The following FCN3 variants were observed in gnomAD, a reference collection of about 807,000 sequenced individuals.
FCN3 encodes ficolin 3, also known as ficolin-3.
In FCN3, 28 loss-of-function variants were observed where a neutral mutation model predicts 31.5. That is an observed-to-expected ratio of 0.89 (90% CI 0.66 to 1.22). The LOEUF (loss-of-function observed/expected upper bound fraction) is 1.22, where lower values mean the gene tolerates loss of function less well. Ranked by LOEUF, FCN3 falls within the 50% of genes most tolerant of loss-of-function variation. The pLI is 0.00. For missense variants in FCN3, 351 were observed against 386.8 expected, an observed-to-expected ratio of 0.91 and a Z score of 0.78; for synonymous variants, 124 against 147.4, an observed-to-expected ratio of 0.84 and a Z score of 1.15.
intron 6 of FCN3, 34 bp downstream of exon 6, chr1:27,370,809 A>G (rs1451141784): frequency 1.2e-6 from 2 of 1,611,296 alleles, no homozygotes; most frequent in Admixed American, 1.7e-5. Context: ...GCAGACAGTA[A>G]CCCCCAGACT....
intron 5 of FCN3, among the ~76,000 whole-genome samples, 196 bp downstream of exon 5, chr1:27,372,940 A>C (rs1429243565): frequency 6.6e-6 from 1 of 151,868 alleles, no homozygotes; most frequent in African/African-American, 2.4e-5. Flanking sequence ...ACTGCACTCA[A>C]CTTAAGGTCT....
In FCN3 at chr1:27,374,011, T is replaced by C. The variant is rs2016201478; in HGVS notation, c.188-2A>G. 6.2e-7 allele frequency: 1 copy of C among 1,613,308 alleles called. No homozygotes were observed. Among genetic ancestry groups the C allele is most frequent in the Admixed American group, 1.7e-5 (1 of 59,978 alleles). On this transcript the variant is annotated splice_acceptor_variant, in intron 2 of 7. Transcript: ENST00000270879. LOFTEE classifies it high-confidence loss of function. The stretch of plus-strand genomic sequence containing the variant: ...TCTTGCCTGGTGGTCCAGGTGGCCC[T>C]GAAATCACAAAGGCAGAGATTTCCT...
rs544521222 is a variant in FCN3, at chr1:27,369,340, G to A, written c.796C>T (p.Arg266Cys). 14 of 1,614,230 alleles carry A rather than the reference G, an allele frequency of 8.7e-6. No individual in the cohort carries two copies. Among genetic ancestry groups the A allele is most frequent in the African/African-American group, 6.7e-5 (5 of 75,066 alleles). ...GCGGCAGCCTCAGACACTGCATAGC[G>A]ACCATTGAGATTTGATCGGTAACAG... ...ASCYRSNLNG[R>C]YAVSEAAAHK... Residue 266 changes from arginine to cysteine, a missense_variant, in exon 8 of 8, where the codon CGC becomes TGC. Transcript: ENST00000270879.
At chr1:27,374,635 A>AC in intron 1 of FCN3, 93 bp downstream of exon 1, 1 of 824,338 alleles carries the variant, frequency 1.2e-6, no homozygotes, top group Non-Finnish European at 1.9e-6. Context: ...TGAAACTCCC[A>AC]CCCTGCTCCT....
At chr1:27,370,542 C>T (rs780104177) in intron 7 of FCN3, 54 bp downstream of exon 7, 39 of 1,504,822 alleles carry the variant, frequency 2.6e-5, no homozygotes, top group Non-Finnish European at 1.9e-5. Flanking sequence ...GGGGCAGTGG[C>T]AGCACTGGGA....
At position 27,374,624 on chromosome 1, in the gene FCN3, A is replaced by G; in HGVS notation, c.91+104T>C. 3.8e-6 allele frequency: 3 copies of G among 789,852 alleles called. No individual in the cohort carries two copies. In the South Asian group the frequency reaches 5.8e-5, roughly 15 times the overall value. 48.9% of individuals were successfully genotyped at this position (789,852 alleles called of 1,614,324 possible). ...TATATTTACATGCAGAGCCCAGATT[A>G]TGAAACTCCCACCCTGCTCCTTGAG... On this transcript the variant is annotated intron_variant, in intron 1 of 7. Coordinates refer to ENST00000270879, the MANE Select transcript of FCN3 (RefSeq NM_003665.4).
chr1:27,369,385 C>T lies in FCN3; in HGVS notation c.751G>A (p.Gly251Ser), dbSNP rs1018094906. The change falls in exon 8 of 8, where the codon GGT (glycine) becomes AGT (serine). Residue 251 changes from glycine to serine, a missense_variant. By Grantham distance (56) the Gly-to-Ser change is moderately conservative. Transcript: ENST00000270879. ...SNSNCAVIVH[G>S]AWWYASCYRS... is the part of the protein sequence containing the mutation. ...TAACAGGATGCATACCACCAGGCAC[C>T]GTGGACAATCACTGCACAGTTGCTG... 4.3e-6 allele frequency: 7 copies of T among 1,614,076 alleles called. No individual in the cohort carries two copies. Among genetic ancestry groups the T allele is most frequent in the African/African-American group, 2.7e-5 (2 of 74,918 alleles).
At chr1:27,369,506 G>C in intron 7 of FCN3, 29 bp from the exon 8 acceptor site, 1 of 1,609,244 alleles carries the variant, frequency 6.2e-7, no homozygotes, top group Non-Finnish European at 8.5e-7. Context: ...AAAGCACCTT[G>C]GTGCCCAGCA....
chr1:27,369,329 C>T lies in FCN3; in HGVS notation c.807G>A (p.Val269=), dbSNP rs575296520. ...YRSNLNGRYA[V]SEAAAHKYGI... is the part of the protein sequence containing the mutation. ...CATATTTGTGGGCGGCAGCCTCAGA[C>T]ACTGCATAGCGACCATTGAGATTTG... The change falls in exon 8 of 8, where the codon GTG becomes GTA. Residue 269 remains valine (V), a synonymous_variant. Coordinates refer to ENST00000270879, the MANE Select transcript of FCN3 (RefSeq NM_003665.4). The T allele has an allele frequency of 1.2e-5, 19 of 1,614,280 alleles. No homozygotes were observed. The South Asian group carries it at 2.1e-4, about 18-fold the overall frequency.
chr1:27,370,908 C>T lies in FCN3; in HGVS notation c.458G>A (p.Gly153Asp), dbSNP rs1204434758. ...FFRSWSSYRA[G>D]FGNQESEFWL... ...GAATTCAGACTCTTGGTTCCCAAAA[C>T]CTGCTCTGTAGGAGGACCAAGAGCG... The change falls in exon 6 of 8, where the codon GGT (glycine) becomes GAT (aspartate). Residue 153 changes from glycine to aspartate, a missense_variant. By Grantham distance (94) the Gly-to-Asp change is moderately conservative. Transcript: ENST00000270879. 7 of 1,613,938 alleles carry T rather than the reference C, an allele frequency of 4.3e-6. No individual in the cohort carries two copies. The highest frequency in any genetic ancestry group is 5.9e-6 in the Non-Finnish European group (7 of 1,180,024).
At chr1:27,372,798 A>ATT in intron 5 of FCN3, among the ~76,000 whole-genome samples, 1 of 38,418 alleles carries the variant, frequency 2.6e-5, no homozygotes. Context: ...TTTTTTTGAG[A>ATT]CAGAGTTTCA....
intron 7 of FCN3, 25 bp from the exon 8 acceptor site, chr1:27,369,502 C>T (rs752933842): frequency 1.1e-5 from 17 of 1,609,944 alleles, no homozygotes; most frequent in Admixed American, 1.7e-5. Flanking sequence ...ATGGAAAGCA[C>T]CTTGGTGCCC....
chr1:27,373,100 G>A (rs2016179891), intron 5 of FCN3, 36 bp downstream of exon 5: 1 of 1,606,870 alleles, frequency 6.2e-7, no homozygotes, highest in East Asian at 2.2e-5. Flanking sequence ...AGTGACCAGT[G>A]GGCCTGGCCT....
Position 27,370,960 on chromosome 1 carries a change from G to C in FCN3, c.406C>G (p.Arg136Gly), listed in dbSNP as rs142828984. 1.2e-6 allele frequency: 2 copies of C among 1,612,332 alleles called. No homozygotes were observed. ...EGGGWLVFQR[R>G]QDGSVDFFRS... ...AAGAAATCCACAGAACCATCCTGGC[G>C]CCTCTGAAACACCTGGGGGAGGGGG... Residue 136 changes from arginine to glycine, a missense_variant, in exon 6 of 8, where the codon CGC (arginine) becomes GGC (glycine). Coordinates refer to ENST00000270879, the MANE Select transcript of FCN3 (RefSeq NM_003665.4).
chr1:27,372,673 C>T (rs542021843), intron 5 of FCN3, among the ~76,000 whole-genome samples: 124 of 152,140 alleles, frequency 8.2e-4, no homozygotes, highest in Non-Finnish European at 1.4e-3. Flanking sequence ...CCGACACCCA[C>T]GCCTGCTCTC....
At chr1:27,373,373 C>A in intron 4 of FCN3, 110 bp from the exon 5 acceptor site, 1 of 1,592,016 alleles carries the variant, frequency 6.3e-7, no homozygotes, top group Admixed American at 1.7e-5. Flanking sequence ...TCCTTCAGGT[C>A]CCTGAAGAAG....
chr1:27,371,909 G>A (rs1051386677), intron 5 of FCN3, among the ~76,000 whole-genome samples: 5 of 151,940 alleles, frequency 3.3e-5, no homozygotes, highest in African/African-American at 1.2e-4. Context: ...ACAGGCACCT[G>A]CCACCACGCC....
In FCN3 at chr1:27,373,531, G is replaced by A. The variant is rs557316808; in HGVS notation, c.233-11C>T. Reference sequence around the variant, plus strand: ...GGTTCACTGGATCTCCTGCCCCAGAGAAGGGATGAGTGTTGGCTCTGATGT... The same window carrying A: ...GGTTCACTGGATCTCCTGCCCCAGAAAAGGGATGAGTGTTGGCTCTGATGT... On this transcript the variant is annotated splice_polypyrimidine_tract_variant and intron_variant, in intron 3 of 7. Coordinates refer to ENST00000270879, the MANE Select transcript of FCN3 (RefSeq NM_003665.4). 1 of 1,614,020 alleles carries A rather than the reference G, an allele frequency of 6.2e-7. No homozygotes were observed. Among genetic ancestry groups the A allele is most frequent in the East Asian group, 2.2e-5 (1 of 44,868 alleles).
At position 27,373,974 on chromosome 1, in the gene FCN3, C is replaced by G. The variant is rs750122426; in HGVS notation, c.223G>C (p.Gly75Arg). 7.4e-6 allele frequency: 12 copies of G among 1,613,732 alleles called. No homozygotes were observed. Among genetic ancestry groups the G allele is most frequent in the Non-Finnish European group, 1.0e-5 (12 of 1,179,936 alleles). ...AGCCCCACTTACTCACCTGGCTCAC[C>G]CTTGGGGCCCATCTTGCCTGGTGGT... is the stretch of plus-strand genomic sequence containing the variant. ...PGPPGKMGPK[G>R]EPGDPVNLLR... The change falls in exon 3 of 8, where the codon GGT becomes CGT. Residue 75 changes from glycine (G) to arginine (R), a missense_variant. Transcript: ENST00000270879.
Sources: gnomAD v4.1 joint callset for allele counts (sites outside exome capture counted in the v4.1 genomes callset) on GRCh38, gnomAD v4.1.1 for gene constraint, MANE v1.5 for transcripts, NCBI Gene and HGNC (gene_info 2026-07-23, HGNC 2026-07-21) for gene names.